The following FAM193A variants were observed in gnomAD, a reference collection of about 807,000 sequenced individuals.
FAM193A encodes family with sequence similarity 193 member A, also known as protein FAM193A.
FAM193A carries 22 observed loss-of-function variants against 126.5 expected under a neutral mutation model. That is an observed-to-expected ratio of 0.17 (90% CI 0.12 to 0.25). The LOEUF is 0.25. Ranked by LOEUF, FAM193A falls within the 10% of genes least tolerant of loss-of-function variation. The pLI is 1.00. For synonymous variants in FAM193A, 761 were observed against 646.8 expected (o/e 1.18, Z -2.68); for missense variants, 1,675 against 1,672.8 (o/e 1.00, Z -0.02).
chr4:2,704,826 A>G (rs1321496374), intron 19 of FAM193A, among the ~76,000 whole-genome samples: 1 of 152,054 alleles, frequency 6.6e-6, no homozygotes. Flanking sequence ...ATTAAGGGCT[A>G]TTTCTTTTTG....
intron 1 of FAM193A, among the ~76,000 whole-genome samples, chr4:2,575,465 ATTT>A (rs33996164): frequency 2.7e-4 from 36 of 135,306 alleles, no homozygotes; most frequent in Admixed American, 3.0e-4. Context: ...AGATACTGGG[ATTT>A]TTTTTTTTTT....
chr4:2,568,139 C>T (rs1294305080), intron 1 of FAM193A, among the ~76,000 whole-genome samples: 18 of 152,144 alleles, frequency 1.2e-4, no homozygotes, highest in Admixed American at 1.2e-3. Context: ...TGATACTTTA[C>T]ACCTTTGTTT....
At chr4:2,685,524 G>A (rs1239535233) in intron 13 of FAM193A, among the ~76,000 whole-genome samples, 1 of 152,160 alleles carries the variant, frequency 6.6e-6, no homozygotes, top group Admixed American at 6.5e-5. Context: ...CTGAAAACTG[G>A]CACAGCCAAA....
Position 2,596,149 on chromosome 4 carries a change from G to T in FAM193A, c.321G>T (p.Leu107=). The T allele has an allele frequency of 1.4e-6, 1 of 702,878 alleles. No homozygotes were observed. Among genetic ancestry groups the T allele is most frequent in the Non-Finnish European group, 2.6e-6 (1 of 384,994 alleles). 43.5% of individuals were successfully genotyped at this position (702,878 alleles called of 1,614,324 possible). A position where few individuals can be genotyped will look rare whatever the true frequency, so the allele number is the denominator to read the frequency against. The change falls in exon 2 of 21, where the codon CTG becomes CTT. Residue 107 remains leucine, a synonymous_variant. Coordinates refer to ENST00000637812, the MANE Select transcript of FAM193A (RefSeq NM_001366318.2). ...PPYPAGDYCL[L]CRSERKDSSF... ...ACCCTGCTGGGGATTATTGTCTTCT[G>T]TGCAGAAGTGAACGGAAAGACTCAT...
chr4:2,546,454 C>T (rs1221522783), intron 1 of FAM193A, among the ~76,000 whole-genome samples: 1 of 152,120 alleles, frequency 6.6e-6, no homozygotes, highest in Non-Finnish European at 1.5e-5. Context: ...GCAGCCATTA[C>T]TGTGTTGCTT....
chr4:2,703,959 G>A (rs1486277828), intron 19 of FAM193A, among the ~76,000 whole-genome samples: 1 of 150,370 alleles, frequency 6.7e-6, no homozygotes, highest in African/African-American at 2.5e-5. Flanking sequence ...GTGACAGAGT[G>A]AGACCCTGTC....
At chr4:2,559,816 T>A (rs956018087) in intron 1 of FAM193A, among the ~76,000 whole-genome samples, 4 of 152,216 alleles carry the variant, frequency 2.6e-5, no homozygotes, top group African/African-American at 9.7e-5. Context: ...CGCTTCCTTT[T>A]GCCTTGCTGT....
chr4:2,617,168 C>CAA lies in FAM193A; in HGVS notation c.502-8082_502-8081dup, dbSNP rs1173633454. On this transcript the variant is annotated intron_variant, in intron 2 of 20. Coordinates refer to ENST00000637812, the MANE Select transcript of FAM193A (RefSeq NM_001366318.2). Reference sequence around the variant, plus strand: ...GGGCGACAGAGCGAGACTCCATCTCCAAAAAAAAAAAAATTAAAAAAAAAA... The same window carrying CAA: ...GGGCGACAGAGCGAGACTCCATCTCCAAAAAAAAAAAAAAATTAAAAAAAAAA... 5.0e-3 allele frequency among the ~76,000 whole-genome samples: 257 copies of CAA among 51,918 alleles called. 2 individuals are homozygous for CAA. The highest frequency in any genetic ancestry group is 0.02 in the African/African-American group (241 of 11,920). The allele number at this position is 51,918 out of a possible 152,430, so 34.1% of individuals were successfully genotyped here. A position where few individuals can be genotyped will look rare whatever the true frequency, so the allele number is the denominator to read the frequency against.
At chr4:2,685,364 G>A (rs170784) in intron 13 of FAM193A, among the ~76,000 whole-genome samples, 119,455 of 152,164 alleles carry the variant, frequency 0.79, 46,987 homozygotes, top group Middle Eastern at 0.86. Flanking sequence ...ATATGATTCA[G>A]TTAAATATAG....
intron 1 of FAM193A, among the ~76,000 whole-genome samples, chr4:2,571,121 C>T (rs1739271101): frequency 6.6e-6 from 1 of 152,216 alleles, no homozygotes; most frequent in South Asian, 2.1e-4. Flanking sequence ...CCCTCCGCGG[C>T]CCCAGCCCTT....
intron 13 of FAM193A, among the ~76,000 whole-genome samples, chr4:2,675,582 T>C (rs1468435440): frequency 6.6e-6 from 1 of 152,234 alleles, no homozygotes; most frequent in African/African-American, 2.4e-5. Flanking sequence ...TTCTTTTGGT[T>C]AGTGCTAGCA....
intron 15 of FAM193A, 54 bp from the exon 16 acceptor site, chr4:2,693,532 G>A: frequency 6.5e-7 from 1 of 1,547,220 alleles, no homozygotes; most frequent in Admixed American, 1.8e-5. Flanking sequence ...TTTTCTACAG[G>A]TTTGAACATT....
At chr4:2,700,681 C>G in intron 19 of FAM193A, 137 bp downstream of exon 19, 1 of 1,080,778 alleles carries the variant, frequency 9.3e-7, no homozygotes, top group South Asian at 1.6e-5. Context: ...CGTAGAGGGG[C>G]CAGGCATGGT....
chr4:2,575,389 C>T (rs144788303), intron 1 of FAM193A, among the ~76,000 whole-genome samples: 3 of 151,460 alleles, frequency 2.0e-5, no homozygotes, highest in Non-Finnish European at 4.4e-5. Flanking sequence ...ATAGGGAAAT[C>T]GTTTTGAAGA....
chr4:2,675,844 A>G (rs972239307), intron 13 of FAM193A, among the ~76,000 whole-genome samples: 3 of 152,130 alleles, frequency 2.0e-5, no homozygotes, highest in African/African-American at 7.2e-5. Context: ...TGTCTCTGTG[A>G]TTGTGACTAC....
rs115115407 is a variant in FAM193A, at chr4:2,691,351, G to A, written c.2803+381G>A. ...CTACCTCAGCCTCCCAAGTAGCTGG[G>A]ACTATAGGTGCCCACCACCACGCAC... On this transcript the variant is annotated intron_variant, in intron 15 of 20. Transcript: ENST00000637812. 6.5e-3 allele frequency among the ~76,000 whole-genome samples: 992 copies of A among 152,328 alleles called. 3 individuals carry two copies. The highest frequency in any genetic ancestry group is 0.011 in the Non-Finnish European group (750 of 68,030).
At chr4:2,605,752 A>C (rs969986259) in intron 2 of FAM193A, among the ~76,000 whole-genome samples, 1 of 152,092 alleles carries the variant, frequency 6.6e-6, no homozygotes, top group Non-Finnish European at 1.5e-5. Flanking sequence ...TGGGCGGATC[A>C]CCTGAGGTCA....
intron 5 of FAM193A, among the ~76,000 whole-genome samples, chr4:2,633,470 C>T (rs1220159750): frequency 6.6e-6 from 1 of 152,014 alleles, no homozygotes; most frequent in East Asian, 1.9e-4. Flanking sequence ...CACCCAGAAG[C>T]TGTTTGATTA....
intron 1 of FAM193A, among the ~76,000 whole-genome samples, chr4:2,594,310 C>T (rs150351544): frequency 1.7e-4 from 26 of 152,200 alleles, no homozygotes; most frequent in African/African-American, 5.5e-4. Context: ...GGGGCCAATC[C>T]GTTATGTACA....
Sources: gnomAD v4.1 joint callset for allele counts (sites outside exome capture counted in the v4.1 genomes callset) on GRCh38, gnomAD v4.1.1 for gene constraint, MANE v1.5 for transcripts, NCBI Gene and HGNC (gene_info 2026-07-23, HGNC 2026-07-21) for gene names.